The following TBX15 variants were observed in gnomAD, a reference collection of about 807,000 sequenced individuals.
TBX15 encodes T-box transcription factor TBX15.
Under a neutral mutation model 53.9 loss-of-function variants are expected in TBX15, and 18 were observed. The ratio of observed to expected loss-of-function variants is 0.33; its 90% CI spans 0.23 to 0.49. TBX15 has a LOEUF of 0.49. Ranked by LOEUF, TBX15 falls within the 20% of genes least tolerant of loss-of-function variation. The pLI is 0.98. For missense variants in TBX15, 692 were observed against 749.5 expected, an observed-to-expected ratio of 0.92 and a Z score of 0.90; for synonymous variants, 295 against 278.0, an observed-to-expected ratio of 1.06 and a Z score of -0.61.
intron 6 of TBX15, among the ~76,000 whole-genome samples, chr1:118,902,945 G>A (rs183004185): frequency 6.6e-6 from 1 of 152,246 alleles, no homozygotes; most frequent in African/African-American, 2.4e-5. Flanking sequence ...GGTGAAAAAA[G>A]CAGTCCTAGG....
chr1:118,967,727 T>C (rs766028029), intron 1 of TBX15, among the ~76,000 whole-genome samples: 4 of 152,244 alleles, frequency 2.6e-5, no homozygotes, highest in Non-Finnish European at 5.9e-5. Flanking sequence ...GTTGCAAATG[T>C]TGAGCATAGC....
chr1:118,958,965 T>C (rs1412915714), intron 1 of TBX15, among the ~76,000 whole-genome samples: 2 of 151,360 alleles, frequency 1.3e-5, no homozygotes, highest in Non-Finnish European at 2.9e-5. Flanking sequence ...TACTAATTAA[T>C]AGGGAGGCTC....
At chr1:118,924,854 G>C in intron 3 of TBX15, 37 bp from the exon 4 acceptor site, 1 of 1,613,084 alleles carries the variant, frequency 6.2e-7, no homozygotes, top group Non-Finnish European at 8.5e-7. Flanking sequence ...TTCAGAGACA[G>C]AGGCAGAGAA....
intron 1 of TBX15, among the ~76,000 whole-genome samples, chr1:118,965,073 C>T (rs1167029763): frequency 1.3e-5 from 2 of 152,222 alleles, no homozygotes; most frequent in African/African-American, 4.8e-5. Context: ...CCCTGACTGA[C>T]ATGCCTTTTA....
chr1:118,946,074 T>A (rs1302388912), intron 1 of TBX15, among the ~76,000 whole-genome samples: 1 of 152,142 alleles, frequency 6.6e-6, no homozygotes, highest in Non-Finnish European at 1.5e-5. Flanking sequence ...GTATACAATA[T>A]ATAGCATCTT....
At chr1:118,962,341 G>A (rs1056335109) in intron 1 of TBX15, among the ~76,000 whole-genome samples, 13 of 151,822 alleles carry the variant, frequency 8.6e-5, no homozygotes, top group African/African-American at 1.2e-4. Context: ...ACCTCAAATC[G>A]TGCCTACATT....
In TBX15 at chr1:118,884,360, A is replaced by T. The variant is rs1216736351; in HGVS notation, c.*372T>A. 3 of 309,760 alleles carry T rather than the reference A, an allele frequency of 9.7e-6. No homozygotes were observed. In the South Asian group the frequency reaches 1.1e-4, roughly 11 times the overall value. 19.2% of individuals were successfully genotyped at this position (309,760 alleles called of 1,614,324 possible). A position where few individuals can be genotyped will look rare whatever the true frequency, so the allele number is the denominator to read the frequency against. On this transcript the variant is annotated 3_prime_UTR_variant, in exon 8 of 8. Coordinates refer to ENST00000369429, the MANE Select transcript of TBX15 (RefSeq NM_001330677.2). ...TGTGTGTGTGCACGTATGTATAGGT[A>T]GGTCTGTCTGTATGTGGGTGTGTAT...
chr1:118,935,362 CT>C (rs1463141022), intron 1 of TBX15, among the ~76,000 whole-genome samples: 1 of 152,054 alleles, frequency 6.6e-6, no homozygotes, highest in Non-Finnish European at 1.5e-5. Context: ...CAAAAAACAC[CT>C]CTGTGTTTTC....
chr1:118,958,447 G>A (rs12023187), intron 1 of TBX15, among the ~76,000 whole-genome samples: 10,989 of 152,182 alleles, frequency 0.072, 560 homozygotes, highest in East Asian at 0.19. Context: ...ATCAGTATTC[G>A]TGATTTTTTC....
intron 7 of TBX15, among the ~76,000 whole-genome samples, chr1:118,894,975 C>T (rs1654372112): frequency 6.6e-6 from 1 of 152,110 alleles, no homozygotes; most frequent in African/African-American, 2.4e-5. Flanking sequence ...TTATTCCTCA[C>T]CTCAGTGATA....
intron 4 of TBX15, 133 bp from the exon 5 acceptor site, chr1:118,923,736 G>C (rs1308194998): frequency 9.4e-7 from 1 of 1,065,994 alleles, no homozygotes; most frequent in East Asian, 2.5e-5. Context: ...CAGAAAACTA[G>C]AAATCAGTAT....
At chr1:118,949,234 A>T (rs1281995898) in intron 1 of TBX15, among the ~76,000 whole-genome samples, 1 of 152,258 alleles carries the variant, frequency 6.6e-6, no homozygotes, top group African/African-American at 2.4e-5. Context: ...GCTGCTGTGC[A>T]TGAATTGTCA....
chr1:118,935,315 T>C lies in TBX15; in HGVS notation c.206-3483A>G, dbSNP rs539565512. ...TGGTTATTTTAATCAAATCAGATCA[T>C]CCATTTAGAAATATAATCAGTCAGT... On this transcript the variant is annotated intron_variant, in intron 1 of 7. Coordinates refer to ENST00000369429, the MANE Select transcript of TBX15 (RefSeq NM_001330677.2). Among the ~76,000 whole-genome samples the C allele has an allele frequency of 4.6e-5, 7 of 152,308 alleles. No individual in the cohort carries two copies. The East Asian group carries it at 1.3e-3, about 29-fold the overall frequency.
intron 7 of TBX15, among the ~76,000 whole-genome samples, chr1:118,886,358 C>T (rs369374403): frequency 6.6e-6 from 1 of 152,094 alleles, no homozygotes; most frequent in African/African-American, 2.4e-5. Flanking sequence ...AGATCTGGGT[C>T]TGCTCACAAC....
At chr1:118,969,235 C>G (rs1657153615) in intron 1 of TBX15, among the ~76,000 whole-genome samples, 1 of 152,110 alleles carries the variant, frequency 6.6e-6, no homozygotes, top group Admixed American at 6.5e-5. Flanking sequence ...TGAATAGGAC[C>G]CATTTCACTG....
rs1310933898 is a variant in TBX15, at chr1:118,893,353, G to GA, written c.1024+5674dup. 7.8e-4 allele frequency among the ~76,000 whole-genome samples: 58 copies of GA among 74,248 alleles called. 1 individual carries two copies. The highest frequency in any genetic ancestry group is 2.3e-3 in the African/African-American group (31 of 13,696). 48.7% of individuals were successfully genotyped at this position (74,248 alleles called of 152,430 possible). The stretch of plus-strand genomic sequence containing the variant: ...AGAAAGAAGGAAGGAAGGAAGGAAG[G>GA]AAGGAAAGAAAGAAAGAAAGAAAGA... On this transcript the variant is annotated intron_variant, in intron 7 of 7. Coordinates refer to ENST00000369429, the MANE Select transcript of TBX15 (RefSeq NM_001330677.2).
intron 1 of TBX15, among the ~76,000 whole-genome samples, chr1:118,946,975 A>G (rs1656366989): frequency 6.6e-6 from 1 of 152,244 alleles, no homozygotes; most frequent in African/African-American, 2.4e-5. Context: ...TATGTGTGCC[A>G]AAAGTCTGCA....
At chr1:118,936,678 A>G (rs1655981677) in intron 1 of TBX15, among the ~76,000 whole-genome samples, 1 of 152,214 alleles carries the variant, frequency 6.6e-6, no homozygotes, top group Admixed American at 6.5e-5. Context: ...GGTCAACATT[A>G]TTGAGCTCTT....
chr1:118,947,744 G>T (rs1656391347), intron 1 of TBX15, among the ~76,000 whole-genome samples: 1 of 152,196 alleles, frequency 6.6e-6, no homozygotes, highest in Non-Finnish European at 1.5e-5. Context: ...GCCCATTAGA[G>T]ATGAGGAAAC....
Sources: allele counts gnomAD v4.1 joint callset (sites outside exome capture counted in the v4.1 genomes callset), GRCh38; gene constraint gnomAD v4.1.1; transcripts MANE v1.5; gene names NCBI Gene and HGNC (gene_info 2026-07-23, HGNC 2026-07-21).